Variants in SERPINI1 observed in about 807,000 individuals in gnomAD.
SERPINI1 encodes the protein neuroserpin.
In SERPINI1, 19 loss-of-function variants were observed where a neutral mutation model predicts 41.1. The ratio of observed to expected loss-of-function variants is 0.46; its 90% CI spans 0.32 to 0.68. The LOEUF (loss-of-function observed/expected upper bound fraction) is 0.68. Ranked by LOEUF, SERPINI1 falls within the 30% of genes least tolerant of loss-of-function variation. SERPINI1 has a pLI of 0.03. For missense variants in SERPINI1, 460 were observed against 479.2 expected (o/e 0.96, Z 0.37); for synonymous variants, 138 against 156.6 (o/e 0.88, Z 0.89).
intron 1 of SERPINI1, among the ~76,000 whole-genome samples, chr3:167,759,829 T>C (rs1172366202): frequency 3.9e-5 from 6 of 152,138 alleles, no homozygotes; most frequent in Non-Finnish European, 5.9e-5. Context: ...AAAAAAGCCA[T>C]AAATAACACA....
chr3:167,807,276 A>C lies in SERPINI1; in HGVS notation c.914A>C (p.Asp305Ala), dbSNP rs756818970. Residue 305 changes from aspartate (D) to alanine (A), a missense_variant, in exon 6 of 9, where the codon GAT becomes GCT. Physicochemically the swap from Asp to Ala is moderately radical, Grantham distance 126. Coordinates refer to ENST00000446050, the MANE Select transcript of SERPINI1 (RefSeq NM_001122752.2). ...FTVEQEIDLKDVLKALGITEI... is the reference protein window; with the variant it reads ...FTVEQEIDLKAVLKALGITEI... ...GTGGAACAGGAAATTGATTTAAAAG[A>C]TGTTTTGAAGGCTCTTGGAATAACT... 6.2e-7 allele frequency: 1 copy of C among 1,612,860 alleles called. No homozygotes were observed. Among genetic ancestry groups the C allele is most frequent in the Non-Finnish European group, 8.5e-7 (1 of 1,179,186 alleles).
Position 167,790,298 on chromosome 3 carries a change from T to C in SERPINI1, c.251-74T>C. Reference sequence around the variant, plus strand: ...TTGGTTAATCTCCCTTGCTGTGCTTTAATGCTCCTCCACTCTCCTTGACAT... The same window carrying C: ...TTGGTTAATCTCCCTTGCTGTGCTTCAATGCTCCTCCACTCTCCTTGACAT... On this transcript the variant is annotated intron_variant, in intron 2 of 8. Transcript: ENST00000446050. The C allele has an allele frequency of 3.5e-6, 4 of 1,145,802 alleles. No individual in the cohort carries two copies. In the South Asian group the frequency reaches 3.8e-5, roughly 11 times the overall value. 71.0% of individuals were successfully genotyped at this position (1,145,802 alleles called of 1,614,324 possible).
At chr3:167,822,321 A>G (rs7648061) in intron 6 of SERPINI1, among the ~76,000 whole-genome samples, 17,604 of 152,236 alleles carry the variant, frequency 0.12, 1,334 homozygotes, top group African/African-American at 0.2. Context: ...AATTTGTGTA[A>G]AACATAATAT....
chr3:167,775,657 A>G (rs1014885304), intron 1 of SERPINI1, among the ~76,000 whole-genome samples: 28 of 152,212 alleles, frequency 1.8e-4, no homozygotes, highest in African/African-American at 6.7e-4. Flanking sequence ...TAAATTCTGC[A>G]TGAAAAACTG....
chr3:167,757,623 A>C (rs550827613), intron 1 of SERPINI1, among the ~76,000 whole-genome samples: 1 of 152,268 alleles, frequency 6.6e-6, no homozygotes, highest in South Asian at 2.1e-4. Flanking sequence ...AGGGATATAA[A>C]TGTTCCTAAC....
At chr3:167,759,576 G>A (rs555267410) in intron 1 of SERPINI1, among the ~76,000 whole-genome samples, 7 of 151,838 alleles carry the variant, frequency 4.6e-5, no homozygotes, top group Non-Finnish European at 8.8e-5. Context: ...TAAACACTGG[G>A]TGCACATGGA....
rs1280165336 is a variant in SERPINI1, at chr3:167,803,702, G to A, written c.882-3542G>A. 2.6e-5 allele frequency among the ~76,000 whole-genome samples: 4 copies of A among 152,208 alleles called. No homozygotes were observed. The East Asian group carries it at 7.7e-4, about 29-fold the overall frequency. The stretch of plus-strand genomic sequence containing the variant: ...ACTAAAGTGTGAAACAAACTAAGCT[G>A]CTTTTAAGAAGCAAAAAGAATCCCC... On this transcript the variant is annotated intron_variant, in intron 5 of 8. Transcript: ENST00000446050.
At chr3:167,818,789 T>A (rs9827184) in intron 6 of SERPINI1, among the ~76,000 whole-genome samples, 46,133 of 152,048 alleles carry the variant, frequency 0.3, 8,880 homozygotes, top group African/African-American at 0.55. Flanking sequence ...CACAGGCTAG[T>A]AATAAAGGGA....
At chr3:167,745,708 C>T (rs959311776) in intron 1 of SERPINI1, among the ~76,000 whole-genome samples, 2 of 151,988 alleles carry the variant, frequency 1.3e-5, no homozygotes, top group African/African-American at 4.8e-5. Context: ...AACAGGTTCA[C>T]CAAGGTTGCA....
intron 1 of SERPINI1, 63 bp from the exon 2 acceptor site, chr3:167,789,048 C>G: frequency 1.3e-6 from 2 of 1,510,370 alleles, no homozygotes; most frequent in Non-Finnish European, 1.8e-6. Context: ...CCCAACATAT[C>G]CTTCCATGAG....
chr3:167,736,154 G>A (rs1372337631), intron 1 of SERPINI1: 1 of 152,114 alleles, frequency 6.6e-6, no homozygotes, highest in East Asian at 1.9e-4. Context: ...CCTATAAAAA[G>A]CAAAAATTTT....
At chr3:167,773,560 C>G (rs191858577) in intron 1 of SERPINI1, among the ~76,000 whole-genome samples, 14 of 152,230 alleles carry the variant, frequency 9.2e-5, no homozygotes, top group Admixed American at 3.3e-4. Flanking sequence ...TTTGATAGAG[C>G]CTTTTTAAAA....
At chr3:167,811,494 A>G (rs1356489558) in intron 6 of SERPINI1, among the ~76,000 whole-genome samples, 2 of 152,068 alleles carry the variant, frequency 1.3e-5, no homozygotes, top group Non-Finnish European at 2.9e-5. Flanking sequence ...ATGAAAAGAC[A>G]TAGAACAATA....
intron 1 of SERPINI1, among the ~76,000 whole-genome samples, chr3:167,745,837 A>G (rs1725847058): frequency 6.6e-6 from 1 of 152,176 alleles, no homozygotes; most frequent in Non-Finnish European, 1.5e-5. Flanking sequence ...ATACCAAGGA[A>G]TGAATTTAAC....
chr3:167,822,922 A>C, intron 6 of SERPINI1, 64 bp from the exon 7 acceptor site: 1 of 924,714 alleles, frequency 1.1e-6, no homozygotes, highest in Non-Finnish European at 1.8e-6. Flanking sequence ...TCCATTTAAC[A>C]AAAGGGCAAA....
At chr3:167,749,605 C>G (rs948109233) in intron 1 of SERPINI1, among the ~76,000 whole-genome samples, 6 of 152,174 alleles carry the variant, frequency 3.9e-5, no homozygotes, top group Non-Finnish European at 7.4e-5. Context: ...GAAACTTTAA[C>G]AGGAATATCT....
intron 6 of SERPINI1, among the ~76,000 whole-genome samples, chr3:167,821,537 G>A (rs1053027730): frequency 1.3e-5 from 2 of 152,144 alleles, no homozygotes; most frequent in Non-Finnish European, 2.9e-5. Context: ...GCAGCAGACA[G>A]ACCCCATGCT....
At chr3:167,741,313 A>G (rs890659552) in intron 1 of SERPINI1, among the ~76,000 whole-genome samples, 1 of 152,208 alleles carries the variant, frequency 6.6e-6, no homozygotes, top group African/African-American at 2.4e-5. Context: ...TATATCTCAC[A>G]CCAGGATTCC....
At chr3:167,784,289 A>G (rs746775399) in intron 1 of SERPINI1, among the ~76,000 whole-genome samples, 46 of 152,226 alleles carry the variant, frequency 3.0e-4, no homozygotes, top group Non-Finnish European at 5.9e-4. Context: ...AAAAAGATCT[A>G]TTTTCTTAAA....
Sources: gnomAD v4.1 joint callset for allele counts (sites outside exome capture counted in the v4.1 genomes callset) on GRCh38, gnomAD v4.1.1 for gene constraint, MANE v1.5 for transcripts, NCBI Gene and HGNC (gene_info 2026-07-23, HGNC 2026-07-21) for gene names.